Variants in EYS observed in about 807,000 individuals in gnomAD.
EYS encodes protein eyes shut homolog.
EYS carries 250 observed loss-of-function variants against 282.1 expected under a neutral mutation model. The observed-to-expected ratio is 0.89, with a 90% CI of 0.80 to 0.98. The LOEUF (loss-of-function observed/expected upper bound fraction) is 0.98, where lower values mean the gene tolerates loss of function less well. Among genes scored for constraint, EYS ranks in the 50% least tolerant of loss-of-function variants. The pLI is 0.00. For missense variants in EYS, 4,016 were observed against 3,709.0 expected, an observed-to-expected ratio of 1.08 and a Z score of -2.15; for synonymous variants, 1,355 against 1,282.9, an observed-to-expected ratio of 1.06 and a Z score of -1.20.
At chr6:65,117,677 A>C (rs999870181) in intron 12 of EYS, among the ~76,000 whole-genome samples, 4 of 152,202 alleles carry the variant, frequency 2.6e-5, no homozygotes, top group Admixed American at 6.5e-5. Context: ...AATATACTTT[A>C]TGTTTATATG....
chr6:64,805,453 C>T (rs1562201178), intron 22 of EYS, among the ~76,000 whole-genome samples: 2 of 151,844 alleles, frequency 1.3e-5, no homozygotes, highest in Non-Finnish European at 2.9e-5. Flanking sequence ...AGAAAATAAT[C>T]TAGATTTACC....
At chr6:64,164,377 G>A (rs1245371356) in intron 31 of EYS, among the ~76,000 whole-genome samples, 2 of 151,992 alleles carry the variant, frequency 1.3e-5, no homozygotes, top group Non-Finnish European at 2.9e-5. Context: ...TTTAGATCTT[G>A]ACCCCTAACA....
intron 30 of EYS, among the ~76,000 whole-genome samples, chr6:64,296,200 A>G (rs1039925110): frequency 2.0e-5 from 3 of 152,158 alleles, no homozygotes; most frequent in African/African-American, 4.8e-5. Flanking sequence ...AAACTCTTCT[A>G]TCTTTTCAAA....
intron 19 of EYS, among the ~76,000 whole-genome samples, chr6:64,823,772 T>A (rs945524686): frequency 1.3e-5 from 2 of 151,924 alleles, no homozygotes; most frequent in African/African-American, 2.4e-5. Flanking sequence ...ATTTAAATCA[T>A]GTTTCCTCTG....
chr6:65,616,960 G>A (rs1766222974), intron 2 of EYS, among the ~76,000 whole-genome samples: 1 of 152,096 alleles, frequency 6.6e-6, no homozygotes, highest in African/African-American at 2.4e-5. Context: ...TACGAATTAA[G>A]TATTGAATAT....
rs377128074 is a variant in EYS at position 65,083,625 on chromosome 6, A to G, written c.2024-25898T>C. Among the ~76,000 whole-genome samples the G allele has an allele frequency of 3.3e-5, 5 of 151,776 alleles. No individual in the cohort carries two copies. The East Asian group carries it at 9.6e-4, about 29-fold the overall frequency. Reference sequence around the variant, plus strand: ...GTTACTTTTTCAACCCTGTTTTCCTAATCATTATCTTTATTTCCTCCTATT... The same window carrying G: ...GTTACTTTTTCAACCCTGTTTTCCTGATCATTATCTTTATTTCCTCCTATT... On this transcript the variant is annotated intron_variant, in intron 12 of 42. Coordinates refer to ENST00000503581, the MANE Select transcript of EYS (RefSeq NM_001142800.2).
At chr6:65,264,797 TA>T (rs1284784692) in intron 12 of EYS, among the ~76,000 whole-genome samples, 1 of 151,662 alleles carries the variant, frequency 6.6e-6, no homozygotes, top group East Asian at 1.9e-4. Context: ...TTACTAAATA[TA>T]AAAAAATTAA....
chr6:64,468,137 A>T (rs1436978754), intron 26 of EYS, among the ~76,000 whole-genome samples: 1 of 152,124 alleles, frequency 6.6e-6, no homozygotes, highest in African/African-American at 2.4e-5. Context: ...AGATCAGCAC[A>T]TCCAGCTTGT....
chr6:64,997,972 A>G (rs2150126073), intron 13 of EYS, among the ~76,000 whole-genome samples: 1 of 152,306 alleles, frequency 6.6e-6, no homozygotes, highest in East Asian at 1.9e-4. Context: ...CAAAGCAACA[A>G]TGAAAATATC....
At position 64,283,983 on chromosome 6, in the gene EYS, T is replaced by C. The variant is rs576276218; in HGVS notation, c.6191+22987A>G. Among the ~76,000 whole-genome samples, 11 of 152,210 alleles carry C rather than the reference T, an allele frequency of 7.2e-5. 1 individual carries two copies. The South Asian group carries it at 2.1e-3, about 29-fold the overall frequency. On this transcript the variant is annotated intron_variant, in intron 30 of 42. Transcript: ENST00000503581. Reference sequence around the variant, plus strand: ...ATGGGAGTACAATTCAAGATCAGATTTGGATGAGGACACAGAGCCAAACCA... The same window carrying C: ...ATGGGAGTACAATTCAAGATCAGATCTGGATGAGGACACAGAGCCAAACCA...
At position 63,913,358 on chromosome 6, in the gene EYS, A is replaced by G. The variant is rs141979740; in HGVS notation, c.7056-49000T>C. ...ATTATTGAGATAGAATTTATATACA[A>G]TAAAATTCACTCATTTAAGGCATAC... On this transcript the variant is annotated intron_variant, in intron 35 of 42. Coordinates refer to ENST00000503581, the MANE Select transcript of EYS (RefSeq NM_001142800.2). Among the ~76,000 whole-genome samples the G allele has an allele frequency of 2.4e-3, 363 of 152,372 alleles. 5 individuals are homozygous for G. The highest frequency in any genetic ancestry group is 0.021 in the Admixed American group (321 of 15,310).
intron 1 of EYS, among the ~76,000 whole-genome samples, chr6:65,681,455 T>C (rs1282768468): frequency 2.6e-5 from 4 of 151,994 alleles, no homozygotes; most frequent in Non-Finnish European, 5.9e-5. Context: ...AATATTTCAG[T>C]GGAAAGCTTC....
At chr6:64,658,258 AT>A (rs529602679) in intron 22 of EYS, among the ~76,000 whole-genome samples, 134 of 151,716 alleles carry the variant, frequency 8.8e-4, no homozygotes, top group African/African-American at 3.0e-3. Context: ...CGTTCGTCTA[AT>A]TTTTTTTCAA....
rs1431916169 is a variant in EYS, at chr6:64,813,459, C to A, written c.3362G>T (p.Cys1121Phe). ...GACTGAATTAAGTTCAGGCTCAGCACAATTATCAATGCTTTTTTCACAGTA... is the reference window on the plus strand; with the variant it reads ...GACTGAATTAAGTTCAGGCTCAGCAAAATTATCAATGCTTTTTTCACAGTA... ...GAYCEKSIDNCAEPELNSVIC... is the reference protein window; with the variant it reads ...GAYCEKSIDNFAEPELNSVIC... The change falls in exon 22 of 43, where the codon TGT becomes TTT. Residue 1121 changes from cysteine to phenylalanine, a missense_variant. By Grantham distance (205) the Cys-to-Phe change is radical (BLOSUM62 -2). Coordinates refer to ENST00000503581, the MANE Select transcript of EYS (RefSeq NM_001142800.2). 1.3e-6 allele frequency: 2 copies of A among 1,550,198 alleles called. No individual in the cohort carries two copies. Among genetic ancestry groups the A allele is most frequent in the Non-Finnish European group, 8.7e-7 (1 of 1,146,156 alleles).
At chr6:65,008,789 G>A (rs867285478) in intron 13 of EYS, among the ~76,000 whole-genome samples, 1 of 152,172 alleles carries the variant, frequency 6.6e-6, no homozygotes, top group Non-Finnish European at 1.5e-5. Context: ...AGAGCCCCAG[G>A]TATGCTTGAC....
Position 64,125,153 on chromosome 6 carries a change from T to TCTCTCTCTCTCTCTCTC in EYS, c.6425-43152_6425-43151insGAGAGAGAGAGAGAGAG, listed in dbSNP as rs1562213531. Among the ~76,000 whole-genome samples, 166 of 149,008 alleles carry TCTCTCTCTCTCTCTCTC rather than the reference T, an allele frequency of 1.1e-3. 1 individual carries two copies. The highest frequency in any genetic ancestry group is 6.9e-3 in the Middle Eastern group (2 of 290). On this transcript the variant is annotated intron_variant, in intron 31 of 42. Coordinates refer to ENST00000503581, the MANE Select transcript of EYS (RefSeq NM_001142800.2). ...GTCAAACACACACACACACACTCTC[T>TCTCTCTCTCTCTCTCTC]GTCTCTCTCTCTCTCTCTCTCTCGC... is the stretch of plus-strand genomic sequence containing the variant.
At chr6:64,856,686 T>G (rs2150045611) in intron 19 of EYS, among the ~76,000 whole-genome samples, 1 of 152,324 alleles carries the variant, frequency 6.6e-6, no homozygotes. Flanking sequence ...CATATGCACG[T>G]TTCACAAACA....
At chr6:64,848,308 C>A (rs1765778553) in intron 19 of EYS, among the ~76,000 whole-genome samples, 1 of 151,728 alleles carries the variant, frequency 6.6e-6, no homozygotes, top group South Asian at 2.1e-4. Context: ...TTTCTAATAA[C>A]AAGATTATGC....
rs143201110 is a variant in EYS, at chr6:65,513,828, G to C, written c.-332-17835C>G. Among the ~76,000 whole-genome samples the C allele has an allele frequency of 4.5e-3, 684 of 151,664 alleles. 7 individuals carry two copies. Among genetic ancestry groups the C allele is most frequent in the South Asian group, 0.034 (164 of 4,768 alleles). On this transcript the variant is annotated intron_variant, in intron 2 of 42. Transcript: ENST00000503581. ...AGCTATCTATGACAAACCCACAGCC[G>C]ACATCATACTGAATGGGCAGAACCT...
Sources: gnomAD v4.1 joint callset for allele counts (sites outside exome capture counted in the v4.1 genomes callset) on GRCh38, gnomAD v4.1.1 for gene constraint, MANE v1.5 for transcripts, NCBI Gene and HGNC (gene_info 2026-07-23, HGNC 2026-07-21) for gene names.